HECW1: variants seen among roughly 807,000 people sequenced by gnomAD.
HECW1 encodes HECT, C2 and WW domain containing E3 ubiquitin protein ligase 1, also known as E3 ubiquitin-protein ligase HECW1.
In HECW1, 61 loss-of-function variants were observed where a neutral mutation model predicts 182.3. That is an observed-to-expected ratio of 0.33 (90% CI 0.27 to 0.41). HECW1 has a LOEUF of 0.41. Ranked by LOEUF, HECW1 falls within the 10% of genes least tolerant of loss-of-function variation. The probability of loss-of-function intolerance (pLI) is 1.00; values close to 1 mark genes in which losing one functional copy is unlikely to be tolerated. For synonymous variants in HECW1, 859 were observed against 832.6 expected, an observed-to-expected ratio of 1.03 and a Z score of -0.55; for missense variants, 1,739 against 2,108.9, an observed-to-expected ratio of 0.82 and a Z score of 3.44.
At chr7:43,400,013 A>G (rs1341139256) in intron 7 of HECW1, among the ~76,000 whole-genome samples, 2 of 152,186 alleles carry the variant, frequency 1.3e-5, no homozygotes, top group Non-Finnish European at 2.9e-5. Flanking sequence ...AGGCAGAAGG[A>G]TTGCTTGAGC....
At chr7:43,373,676 T>C (rs898835412) in intron 6 of HECW1, among the ~76,000 whole-genome samples, 2 of 152,160 alleles carry the variant, frequency 1.3e-5, no homozygotes, top group African/African-American at 4.8e-5. Context: ...TTTTTCAGCA[T>C]GTAGAGCTCA....
At chr7:43,443,351 T>C (rs917747304) in intron 10 of HECW1, among the ~76,000 whole-genome samples, 1 of 152,230 alleles carries the variant, frequency 6.6e-6, no homozygotes. Flanking sequence ...CCAGGTCTAC[T>C]TTCCTGTGCC....
At position 43,114,280 on chromosome 7, in the gene HECW1, G is replaced by A; in HGVS notation, c.-143G>A. The A allele has an allele frequency of 2.2e-6, 3 of 1,363,992 alleles. No individual in the cohort carries two copies. The highest frequency in any genetic ancestry group is 2.2e-5 in the Admixed American group (1 of 45,784). The allele number at this position is 1,363,992 out of a possible 1,614,324, so 84.5% of individuals were successfully genotyped here. A position where few individuals can be genotyped will look rare whatever the true frequency, so the allele number is the denominator to read the frequency against. On this transcript the variant is annotated 5_prime_UTR_variant, in exon 2 of 30. Coordinates refer to ENST00000395891, the MANE Select transcript of HECW1 (RefSeq NM_015052.5). The stretch of plus-strand genomic sequence containing the variant: ...ATTTAGGAGGGCAGATGCCCTACCC[G>A]AAAAGGCCAACCGTTAAAGACCCCG...
intron 2 of HECW1, among the ~76,000 whole-genome samples, chr7:43,197,373 C>G (rs760656449): frequency 6.6e-6 from 1 of 152,110 alleles, no homozygotes; most frequent in Non-Finnish European, 1.5e-5. Context: ...TTATGCAAAT[C>G]AGAGAAAGGC....
At chr7:43,279,156 A>G (rs1481725815) in intron 3 of HECW1, among the ~76,000 whole-genome samples, 3 of 152,066 alleles carry the variant, frequency 2.0e-5, no homozygotes, top group Admixed American at 6.5e-5. Flanking sequence ...TTGGGTATTC[A>G]ATTTGTGCTA....
intron 2 of HECW1, among the ~76,000 whole-genome samples, chr7:43,233,075 C>T (rs1798020535): frequency 6.6e-6 from 1 of 152,116 alleles, no homozygotes; most frequent in Non-Finnish European, 1.5e-5. Flanking sequence ...AGACTGGATC[C>T]AAAATCTAAC....
Position 43,243,783 on chromosome 7 carries a change from G to C in HECW1, c.-31-92G>C, listed in dbSNP as rs574754926. ...GCCCAGGCCAGGTATCTTGGCGGGG[G>C]TGGGGGAAACAATGTTGTTTGTGTG... On this transcript the variant is annotated intron_variant, in intron 2 of 29. Transcript: ENST00000395891. This position sits in a 1 kb window ranked among gnomAD's most constrained non-coding sequence, Gnocchi z 4.0. 1 of 987,616 alleles carries C rather than the reference G, an allele frequency of 1.0e-6. No individual in the cohort carries two copies. Among genetic ancestry groups the C allele is most frequent in the Non-Finnish European group, 1.6e-6 (1 of 612,176 alleles). 61.2% of individuals were successfully genotyped at this position (987,616 alleles called of 1,614,324 possible).
At chr7:43,322,177 C>A (rs1337751147) in intron 5 of HECW1, among the ~76,000 whole-genome samples, 1 of 152,210 alleles carries the variant, frequency 6.6e-6, no homozygotes, top group Non-Finnish European at 1.5e-5. Flanking sequence ...TCAAGCGATT[C>A]TGCTGACTCA....
At position 43,554,611 on chromosome 7, in the gene HECW1, T is replaced by C. The variant is rs1452451772; in HGVS notation, c.4530T>C (p.Leu1510=). 1 of 1,613,192 alleles carries C rather than the reference T, an allele frequency of 6.2e-7. No homozygotes were observed. Among genetic ancestry groups the C allele is most frequent in the South Asian group, 1.1e-5 (1 of 90,714 alleles). ...EYRGGYHDGH[L]VIRWFWAAVE... Reference sequence around the variant, plus strand: ...GTGCAGGTTACCACGATGGGCATCTTGTGATCCGCTGGTTCTGGGCTGCGG... The same window carrying C: ...GTGCAGGTTACCACGATGGGCATCTCGTGATCCGCTGGTTCTGGGCTGCGG... Residue 1510 remains leucine (L), a synonymous_variant, in exon 29 of 30, where the codon CTT becomes CTC. Coordinates refer to ENST00000395891, the MANE Select transcript of HECW1 (RefSeq NM_015052.5).
intron 5 of HECW1, among the ~76,000 whole-genome samples, chr7:43,336,154 C>T (rs796867519): frequency 0.016 from 1,087 of 68,208 alleles, 5 homozygotes; most frequent in Middle Eastern, 0.019. Flanking sequence ...TTCTCTCTCT[C>T]TCTCTCTCTC....
rs116399196 is a variant in HECW1 at position 43,215,522 on chromosome 7, G to A, written c.-31-28353G>A. Reference sequence around the variant, plus strand: ...ATTTAAAATTCCTTTTTAACCAAAGGTTAAATCGTTAACAAATGGTTAAGG... The same window carrying A: ...ATTTAAAATTCCTTTTTAACCAAAGATTAAATCGTTAACAAATGGTTAAGG... On this transcript the variant is annotated intron_variant, in intron 2 of 29. Transcript: ENST00000395891. 8.6e-3 allele frequency among the ~76,000 whole-genome samples: 1,303 copies of A among 152,276 alleles called. 16 individuals are homozygous for A. Among genetic ancestry groups the A allele is most frequent in the African/African-American group, 0.029 (1,224 of 41,552 alleles).
intron 2 of HECW1, among the ~76,000 whole-genome samples, chr7:43,209,085 T>C (rs1202633670): frequency 1.3e-5 from 2 of 152,094 alleles, no homozygotes; most frequent in Non-Finnish European, 2.9e-5. Context: ...GGGTTAGGAG[T>C]GGGAGGCGGG....
At chr7:43,117,838 C>CT (rs1562759126) in intron 2 of HECW1, 1 of 152,360 alleles carries the variant, frequency 6.6e-6, no homozygotes, top group Non-Finnish European at 1.5e-5. Context: ...CACTAAGCTC[C>CT]TAGGTCATCT....
chr7:43,141,351 G>A (rs908452650), intron 2 of HECW1, among the ~76,000 whole-genome samples: 3 of 152,178 alleles, frequency 2.0e-5, no homozygotes, highest in Admixed American at 2.0e-4. Context: ...CTGACCCCCT[G>A]CTGGGTCACA....
chr7:43,376,116 CAT>C (rs1375560370), intron 6 of HECW1, among the ~76,000 whole-genome samples: 13 of 141,794 alleles, frequency 9.2e-5, no homozygotes, highest in Non-Finnish European at 1.9e-4. Context: ...ATAAACCAAA[CAT>C]ATACTCACCT....
chr7:43,188,016 T>C (rs1360800543), intron 2 of HECW1, among the ~76,000 whole-genome samples: 1 of 152,180 alleles, frequency 6.6e-6, no homozygotes, highest in East Asian at 1.9e-4. Context: ...ACATACCTTG[T>C]AGGAAGGACT....
At chr7:43,131,711 G>A (rs998882671) in intron 2 of HECW1, among the ~76,000 whole-genome samples, 4 of 152,176 alleles carry the variant, frequency 2.6e-5, no homozygotes, top group Non-Finnish European at 4.4e-5. Context: ...AGTGCTCAGC[G>A]CTATGATTTA....
intron 7 of HECW1, among the ~76,000 whole-genome samples, chr7:43,397,939 T>C (rs983410314): frequency 2.6e-5 from 4 of 152,232 alleles, no homozygotes; most frequent in Non-Finnish European, 4.4e-5. Flanking sequence ...GGAACTCTTC[T>C]GTAAACCCAG....
intron 24 of HECW1, chr7:43,511,709 A>T (rs1332062807): frequency 6.1e-6 from 1 of 164,162 alleles, no homozygotes; most frequent in Non-Finnish European, 1.3e-5. Context: ...CCTTTTGTTT[A>T]TTTTTTGTTA....
Sources: allele counts gnomAD v4.1 joint callset (sites outside exome capture counted in the v4.1 genomes callset), GRCh38; gene constraint gnomAD v4.1.1; non-coding constraint Gnocchi (gnomAD v3.1); transcripts MANE v1.5; gene names NCBI Gene and HGNC (gene_info 2026-07-23, HGNC 2026-07-21).